Variants in PCDH10 observed in about 807,000 individuals in gnomAD.
PCDH10 encodes protocadherin-10.
PCDH10 carries 15 observed loss-of-function variants against 74.4 expected under a neutral mutation model. The ratio of observed to expected loss-of-function variants is 0.20; its 90% CI spans 0.13 to 0.31. The LOEUF (loss-of-function observed/expected upper bound fraction) is 0.31, where lower values mean the gene tolerates loss of function less well. PCDH10 is among the 10% of genes least tolerant of loss of function. The pLI is 1.00. For missense variants in PCDH10, 1,260 were observed against 1,390.2 expected, an observed-to-expected ratio of 0.91 and a Z score of 1.49; for synonymous variants, 619 against 589.8, an observed-to-expected ratio of 1.05 and a Z score of -0.72.
chr4:133,196,618 C>T (rs1414383778), downstream of PCDH10, among the ~76,000 whole-genome samples: 1 of 152,154 alleles, frequency 6.6e-6, no homozygotes, highest in Non-Finnish European at 1.5e-5. Flanking sequence ...GTTAGTCCTA[C>T]AAAGGCAGTC....
chr4:133,152,397 G>A lies in PCDH10; in HGVS notation c.2257G>A (p.Ala753Thr), dbSNP rs1464822930. The A allele has an allele frequency of 3.1e-6, 5 of 1,614,152 alleles. No homozygotes were observed. The highest frequency in any genetic ancestry group is 3.4e-6 in the Non-Finnish European group (4 of 1,180,032). The change falls in exon 1 of 5, where the codon GCC becomes ACC. Residue 753 changes from alanine (A) to threonine (T), a missense_variant. By Grantham distance (58) the Ala-to-Thr change is moderately conservative. Transcript: ENST00000264360. ...EKKLNIYTCL[A>T]SDCCLCCCCC... ...GAAGCTCAACATCTATACTTGTCTG[G>A]CCAGCGATTGCTGCCTCTGCTGCTG...
chr4:133,151,809 A>C lies in PCDH10; in HGVS notation c.1669A>C (p.Asn557His). The C allele has an allele frequency of 6.2e-7, 1 of 1,613,098 alleles. No homozygotes were observed. ...TGGCAGCCCCCAGGCGCTGGCTGGT[A>C]ACGCCACTGTCAACATCCTCATAGT... The part of the protein sequence containing the change: ...DAGSPQALAG[N>H]ATVNILIVDQ... The change falls in exon 1 of 5, where the codon AAC becomes CAC. Residue 557 changes from asparagine (N) to histidine (H), a missense_variant. By Grantham distance (68) the Asn-to-His change is moderately conservative. Around this residue, in one of 11 missense-constraint regions of PCDH10, gnomAD observed 587 missense variants for 616.9 expected, o/e 0.95. Transcript: ENST00000264360.
chr4:133,162,946 T>C (rs767780983), intron 3 of PCDH10, 31 bp from the exon 4 acceptor site: 9 of 1,567,364 alleles, frequency 5.7e-6, no homozygotes, highest in Non-Finnish European at 7.9e-6. Context: ...TGGTGAAGAC[T>C]ACATCCGTAG....
At chr4:133,183,352 T>C (rs965736754) in intron 4 of PCDH10, among the ~76,000 whole-genome samples, 2 of 151,918 alleles carry the variant, frequency 1.3e-5, no homozygotes, top group Non-Finnish European at 2.9e-5. Context: ...CACATACACA[T>C]ACATGCATGC....
chr4:133,170,330 T>A (rs1355625743), intron 4 of PCDH10, among the ~76,000 whole-genome samples: 1 of 152,104 alleles, frequency 6.6e-6, no homozygotes, highest in Non-Finnish European at 1.5e-5. Context: ...TATTTGAAAT[T>A]AACTTTGGTA....
At chr4:133,198,894 C>A (rs887305760), downstream of PCDH10, among the ~76,000 whole-genome samples, 1 of 151,014 alleles carries the variant, frequency 6.6e-6, no homozygotes, top group South Asian at 2.1e-4. Context: ...TTTTTTAACA[C>A]TCTATAGAAG....
intron 4 of PCDH10, among the ~76,000 whole-genome samples, chr4:133,168,063 A>C (rs576598595): frequency 3.3e-5 from 5 of 151,538 alleles, no homozygotes; most frequent in South Asian, 4.1e-4. Context: ...ATGGTCATCT[A>C]TTCATAGTTC....
At chr4:133,156,453 G>A (rs936987301) in intron 3 of PCDH10, among the ~76,000 whole-genome samples, 2 of 152,204 alleles carry the variant, frequency 1.3e-5, no homozygotes, top group African/African-American at 2.4e-5. Context: ...TTAGTGTCTG[G>A]GAACCTGACA....
chr4:133,202,896 T>A (rs1727930609), intron 2 of PCDH10, among the ~76,000 whole-genome samples: 1 of 152,184 alleles, frequency 6.6e-6, no homozygotes, highest in Non-Finnish European at 1.5e-5. Flanking sequence ...AGTTGATCTC[T>A]TCTAGCACTG....
intron 2 of PCDH10, among the ~76,000 whole-genome samples, chr4:133,205,892 C>T (rs1419337275): frequency 1.3e-5 from 2 of 152,020 alleles, no homozygotes; most frequent in African/African-American, 4.8e-5. Context: ...ATATTGATGA[C>T]AGTTTATTTT....
At chr4:133,179,662 C>G (rs771723878) in intron 4 of PCDH10, among the ~76,000 whole-genome samples, 22 of 152,090 alleles carry the variant, frequency 1.4e-4, no homozygotes, top group Non-Finnish European at 2.5e-4. Context: ...ACTGTAACTT[C>G]TTATAGATTC....
intron 3 of PCDH10, among the ~76,000 whole-genome samples, chr4:133,158,762 T>TTA (rs1726911693): frequency 6.6e-6 from 1 of 152,126 alleles, no homozygotes. Flanking sequence ...GATTTTGGGT[T>TTA]TATATATAAA....
In PCDH10 at chr4:133,190,284, C is replaced by A. The variant is rs917612406; in HGVS notation, c.*124C>A. The A allele has an allele frequency of 2.4e-6, 2 of 845,620 alleles. No homozygotes were observed. The highest frequency in any genetic ancestry group is 4.9e-5 in the East Asian group (2 of 40,536). The allele number at this position is 845,620 out of a possible 1,614,324, so 52.4% of individuals were successfully genotyped here. A position where few individuals can be genotyped will look rare whatever the true frequency, so the allele number is the denominator to read the frequency against. ...TCATGTGTAACTGAGTATTAGATTT[C>A]GGATGGAGTCATCATGGCCAATTAT... On this transcript the variant is annotated 3_prime_UTR_variant, in exon 5 of 5. Coordinates refer to ENST00000264360, the MANE Select transcript of PCDH10 (RefSeq NM_032961.3).
At chr4:133,184,785 A>AAAT (rs1560714365) in intron 4 of PCDH10, among the ~76,000 whole-genome samples, 30 of 80,112 alleles carry the variant, frequency 3.7e-4, no homozygotes, top group African/African-American at 1.0e-3. Context: ...TATATATATA[A>AAAT]ATATATATAT....
At chr4:133,162,065 C>T (rs1397546520) in intron 3 of PCDH10, among the ~76,000 whole-genome samples, 1 of 152,110 alleles carries the variant, frequency 6.6e-6, no homozygotes, top group Non-Finnish European at 1.5e-5. Flanking sequence ...TATTTGTAAT[C>T]TTGTCAATCT....
At position 133,192,710 on chromosome 4, in the gene PCDH10, A is replaced by AT. The variant is rs1254442216; in HGVS notation, c.*2552dup. ...GAATTGTTTAAGGATAAAATGCTAC[A>AT]TTATTAGGTCATTAATCAACTTATC... On this transcript the variant is annotated 3_prime_UTR_variant, in exon 5 of 5. Coordinates refer to ENST00000264360, the MANE Select transcript of PCDH10 (RefSeq NM_032961.3). 6.6e-6 allele frequency: 1 copy of AT among 151,608 alleles called. No homozygotes were observed. Among genetic ancestry groups the AT allele is most frequent in the African/African-American group, 2.4e-5 (1 of 41,398 alleles). 9.4% of individuals were successfully genotyped at this position (151,608 alleles called of 1,614,324 possible). A position where few individuals can be genotyped will look rare whatever the true frequency, so the allele number is the denominator to read the frequency against.
intron 2 of PCDH10, 169 bp from the exon 3 acceptor site, chr4:133,154,748 A>G: frequency 3.4e-6 from 2 of 585,364 alleles, no homozygotes; most frequent in Non-Finnish European, 6.0e-6. Flanking sequence ...TTAATCGATC[A>G]TTTTTAAATA....
At position 133,190,224 on chromosome 4, in the gene PCDH10, A is replaced by T; in HGVS notation, c.*64A>T. On this transcript the variant is annotated 3_prime_UTR_variant, in exon 5 of 5. Transcript: ENST00000264360. ...ACAAAGTCGACCAACAAAAGCATCA[A>T]CTTTTCAACTTCATTATCTTGGCCA... 1 of 1,412,916 alleles carries T rather than the reference A, an allele frequency of 7.1e-7. No homozygotes were observed. The highest frequency in any genetic ancestry group is 1.0e-6 in the Non-Finnish European group (1 of 997,092). 87.5% of individuals were successfully genotyped at this position (1,412,916 alleles called of 1,614,324 possible). A position where few individuals can be genotyped will look rare whatever the true frequency, so the allele number is the denominator to read the frequency against.
At position 133,152,445 on chromosome 4, in the gene PCDH10, A is replaced by C. The variant is rs1398671207; in HGVS notation, c.2305A>C (p.Thr769Pro). Residue 769 changes from threonine to proline, a missense_variant, in exon 1 of 5, where the codon ACC (threonine) becomes CCC (proline). Thr to Pro is a conservative substitution (Grantham distance 38). Around this residue, in one of 11 missense-constraint regions of PCDH10, gnomAD observed 587 missense variants for 616.9 expected, o/e 0.95. Coordinates refer to ENST00000264360, the MANE Select transcript of PCDH10 (RefSeq NM_032961.3). ...CCCCCGGGGSTCCGRQARARK... is the reference protein window; with the variant it reads ...CCCCCGGGGSPCCGRQARARK... ...CTGCTGCTGCGGTGGCGGAGGTTCG[A>C]CCTGCTGTGGCCGCCAAGCCCGGGC... The C allele has an allele frequency of 6.2e-7, 1 of 1,614,004 alleles. No homozygotes were observed. Among genetic ancestry groups the C allele is most frequent in the African/African-American group, 1.3e-5 (1 of 75,012 alleles).
Sources: allele counts gnomAD v4.1 joint callset (sites outside exome capture counted in the v4.1 genomes callset), GRCh38; gene constraint gnomAD v4.1.1; regional missense constraint gnomAD v4.1.1; transcripts MANE v1.5; gene names NCBI Gene and HGNC (gene_info 2026-07-23, HGNC 2026-07-21).